The following MECOM variants were observed in gnomAD, a reference collection of about 807,000 sequenced individuals.
MECOM encodes the protein histone-lysine N-methyltransferase MECOM.
MECOM carries 13 observed loss-of-function variants against 116.3 expected under a neutral mutation model. The ratio of observed to expected loss-of-function variants is 0.11; its 90% CI spans 0.07 to 0.18. The LOEUF (loss-of-function observed/expected upper bound fraction) is 0.18, where lower values mean the gene tolerates loss of function less well. Among genes scored for constraint, MECOM ranks in the 10% least tolerant of loss-of-function variants. The pLI is 1.00. For missense variants in MECOM, 1,299 were observed against 1,509.0 expected, an observed-to-expected ratio of 0.86 and a Z score of 2.31; for synonymous variants, 528 against 535.2, an observed-to-expected ratio of 0.99 and a Z score of 0.19.
chr3:169,434,986 A>T (rs1187773393), intron 1 of MECOM, among the ~76,000 whole-genome samples: 1 of 152,210 alleles, frequency 6.6e-6, no homozygotes, highest in Non-Finnish European at 1.5e-5. Context: ...CTAGTACAGT[A>T]TGGGAAGCCT....
intron 14 of MECOM, among the ~76,000 whole-genome samples, chr3:169,091,463 G>T (rs1045612765): frequency 6.6e-6 from 1 of 152,084 alleles, no homozygotes; most frequent in Non-Finnish European, 1.5e-5. Context: ...TAGAAAATTT[G>T]AATAGGCATC....
rs1374057204 is a variant in MECOM, at chr3:169,406,617, T to A, written c.38-25093A>T. Among the ~76,000 whole-genome samples, 14 of 152,338 alleles carry A rather than the reference T, an allele frequency of 9.2e-5. No homozygotes were observed. In the East Asian group the frequency reaches 2.7e-3, roughly 29 times the overall value. ...GTTTTGAATTGTACTGAAAACTTAC[T>A]ATGTGCCAGACTGACACTCTCTTAC... On this transcript the variant is annotated intron_variant, in intron 1 of 16. Transcript: ENST00000651503.
chr3:169,106,860 A>T (rs1476851552), intron 10 of MECOM, among the ~76,000 whole-genome samples: 2 of 152,128 alleles, frequency 1.3e-5, no homozygotes, highest in Non-Finnish European at 2.9e-5. Context: ...AAACAACCCC[A>T]TCTATTGCAC....
rs575765750 is a variant in MECOM, at chr3:169,440,906, A to T, written c.38-59382T>A. 8.5e-4 allele frequency among the ~76,000 whole-genome samples: 129 copies of T among 152,328 alleles called. 2 individuals carry two copies. In the South Asian group the frequency reaches 0.014, roughly 17 times the overall value. On this transcript the variant is annotated intron_variant, in intron 1 of 16. Coordinates refer to ENST00000651503, the MANE Select transcript of MECOM (RefSeq NM_004991.4). ...TGTTGGGTGGTCTACCAAGGATTAA[A>T]TGCCAGGATCATTGAGAAAATTTCA...
At chr3:169,420,536 T>C (rs552119963) in intron 1 of MECOM, among the ~76,000 whole-genome samples, 2 of 152,164 alleles carry the variant, frequency 1.3e-5, no homozygotes, top group African/African-American at 4.8e-5. Flanking sequence ...ATGAGGCAAA[T>C]AGCAAACATA....
intron 1 of MECOM, among the ~76,000 whole-genome samples, chr3:169,555,297 A>C (rs1256511396): frequency 6.6e-6 from 1 of 152,210 alleles, no homozygotes; most frequent in Non-Finnish European, 1.5e-5. Context: ...GGCTAGTAGA[A>C]TCTAGTCTTT....
chr3:169,449,392 G>C (rs190892498), intron 1 of MECOM, among the ~76,000 whole-genome samples: 38 of 152,204 alleles, frequency 2.5e-4, no homozygotes, highest in African/African-American at 8.9e-4. Context: ...ATTTATTAGG[G>C]CAATCACTGA....
intron 2 of MECOM, among the ~76,000 whole-genome samples, chr3:169,293,596 G>A (rs570197530): frequency 6.6e-6 from 1 of 152,168 alleles, no homozygotes; most frequent in Non-Finnish European, 1.5e-5. Flanking sequence ...CAAACCTTCT[G>A]TGTGCTACAA....
At chr3:169,258,667 G>A (rs1757168521) in intron 2 of MECOM, among the ~76,000 whole-genome samples, 1 of 152,112 alleles carries the variant, frequency 6.6e-6, no homozygotes, top group Non-Finnish European at 1.5e-5. Flanking sequence ...ATTATGTCTC[G>A]CTGTCTGAAA....
chr3:169,355,922 G>C (rs549245574), intron 2 of MECOM, among the ~76,000 whole-genome samples: 1 of 151,650 alleles, frequency 6.6e-6, no homozygotes, highest in Non-Finnish European at 1.5e-5. Flanking sequence ...TTGAATGTTT[G>C]TTTTTGATGG....
At chr3:169,623,600 A>G (rs1771005378) in intron 1 of MECOM, among the ~76,000 whole-genome samples, 1 of 152,192 alleles carries the variant, frequency 6.6e-6, no homozygotes, top group South Asian at 2.1e-4. Context: ...TATTTGTTGA[A>G]CTATTTTTAT....
intron 1 of MECOM, among the ~76,000 whole-genome samples, chr3:169,490,266 T>C (rs1307237073): frequency 6.6e-6 from 1 of 152,134 alleles, no homozygotes; most frequent in Non-Finnish European, 1.5e-5. Flanking sequence ...GTGTAAAGTG[T>C]ACAATCAACA....
chr3:169,537,624 A>G (rs1759547971), intron 1 of MECOM, among the ~76,000 whole-genome samples: 2 of 152,098 alleles, frequency 1.3e-5, no homozygotes, highest in African/African-American at 2.4e-5. Flanking sequence ...TTTAACGGTC[A>G]TCCCCTTAGC....
chr3:169,147,342 C>A, intron 2 of MECOM: 2 of 985,504 alleles, frequency 2.0e-6, no homozygotes, highest in Non-Finnish European at 2.4e-6. Flanking sequence ...CGTCCCCTTT[C>A]GCAACTCCAA....
chr3:169,195,953 C>T (rs1174419352), intron 2 of MECOM, among the ~76,000 whole-genome samples: 1 of 152,066 alleles, frequency 6.6e-6, no homozygotes, highest in Non-Finnish European at 1.5e-5. Context: ...CTCCATTAAT[C>T]ATCCTTAATT....
intron 1 of MECOM, among the ~76,000 whole-genome samples, chr3:169,472,557 AGAGAGGAGAG>A (rs1249126506): frequency 1.6e-5 from 1 of 63,262 alleles, no homozygotes; most frequent in Non-Finnish European, 2.9e-5. Context: ...GGAAAAGAAA[AGAGAGGAGAG>A]GAGAGGAGAG....
intron 1 of MECOM, among the ~76,000 whole-genome samples, chr3:169,647,562 A>T (rs1196714156): frequency 1.3e-5 from 2 of 152,196 alleles, no homozygotes; most frequent in African/African-American, 2.4e-5. Flanking sequence ...ACCAAAAAAA[A>T]ATATGCATCT....
intron 1 of MECOM, chr3:169,389,710 G>A (rs2108327340): frequency 3.2e-6 from 1 of 316,884 alleles, no homozygotes; most frequent in South Asian, 1.2e-4. Context: ...CCAGAGTACA[G>A]CCTTTCAGTA....
intron 1 of MECOM, among the ~76,000 whole-genome samples, chr3:169,429,475 G>A (rs2002769): frequency 0.043 from 6,577 of 152,262 alleles, 447 homozygotes; most frequent in Admixed American, 0.19. Flanking sequence ...CACAAGCTCA[G>A]AGACTAGCAT....
Sources: allele counts gnomAD v4.1 joint callset (sites outside exome capture counted in the v4.1 genomes callset), GRCh38; gene constraint gnomAD v4.1.1; transcripts MANE v1.5; gene names NCBI Gene and HGNC (gene_info 2026-07-23, HGNC 2026-07-21).